Variants in ZZEF1 observed in about 807,000 individuals in gnomAD.
ZZEF1 encodes zinc finger ZZ-type and EF-hand domain containing 1.
Under a neutral mutation model 342.8 loss-of-function variants are expected in ZZEF1, and 157 were observed. That is an observed-to-expected ratio of 0.46 (90% CI 0.40 to 0.52). ZZEF1 has a LOEUF of 0.52. Among genes scored for constraint, ZZEF1 ranks in the 20% least tolerant of loss-of-function variants. The pLI, the probability that ZZEF1 is intolerant of heterozygous loss-of-function variation, is 0.00. For synonymous variants in ZZEF1, 1,505 were observed against 1,429.1 expected (o/e 1.05, Z -1.20); for missense variants, 3,480 against 3,725.6 (o/e 0.93, Z 1.72).
chr17:4,115,264 C>T (rs1269125781), intron 3 of ZZEF1, among the ~76,000 whole-genome samples: 1 of 152,138 alleles, frequency 6.6e-6, no homozygotes, highest in African/African-American at 2.4e-5. Context: ...TGGCTTCAAG[C>T]GATCTTCCCA....
intron 24 of ZZEF1, among the ~76,000 whole-genome samples, chr17:4,073,387 T>C (rs2057547247): frequency 6.6e-6 from 1 of 152,252 alleles, no homozygotes; most frequent in South Asian, 2.1e-4. Flanking sequence ...TCTGTAATTC[T>C]TGTTCCCTGG....
chr17:4,039,468 T>TCAAACAAA lies in ZZEF1; in HGVS notation c.6306+2953_6306+2960dup, dbSNP rs113389421. ...CTGGGGGACAGAGTGAGACACCATC[T>TCAAACAAA]CAAACAAACAAACAAACAAACAAAC... On this transcript the variant is annotated intron_variant, in intron 39 of 54. Transcript: ENST00000381638. 7.9e-3 allele frequency among the ~76,000 whole-genome samples: 1,189 copies of TCAAACAAA among 150,152 alleles called. 12 individuals carry two copies. Among genetic ancestry groups the TCAAACAAA allele is most frequent in the African/African-American group, 0.027 (1,098 of 40,318 alleles).
chr17:4,032,472 C>A (rs1366009453), intron 41 of ZZEF1, among the ~76,000 whole-genome samples: 1 of 152,192 alleles, frequency 6.6e-6, no homozygotes, highest in Non-Finnish European at 1.5e-5. Flanking sequence ...TTTACAGCCC[C>A]CTTTGTCCTA....
Position 4,028,239 on chromosome 17 carries a change from A to AT in ZZEF1, c.6893-3122dup, listed in dbSNP as rs906618292. 3.9e-5 allele frequency among the ~76,000 whole-genome samples: 6 copies of AT among 152,220 alleles called. No individual in the cohort carries two copies. In the South Asian group the frequency reaches 6.2e-4, roughly 16 times the overall value. ...TGACATAAATCTCACAATACATTAC[A>AT]TTTTTTTGCTTCAAAAAGTGAGATA... On this transcript the variant is annotated intron_variant, in intron 42 of 54. Transcript: ENST00000381638.
chr17:4,087,895 A>C (rs538995131), intron 13 of ZZEF1, among the ~76,000 whole-genome samples: 1 of 151,920 alleles, frequency 6.6e-6, no homozygotes, highest in South Asian at 2.1e-4. Context: ...ACTGTCCAGG[A>C]CTGTACTACA....
chr17:4,077,909 T>A lies in ZZEF1; in HGVS notation c.2963A>T (p.Asp988Val), dbSNP rs1215813529. The A allele has an allele frequency of 1.2e-6, 2 of 1,614,022 alleles. No homozygotes were observed. Among genetic ancestry groups the A allele is most frequent in the African/African-American group, 1.3e-5 (1 of 74,942 alleles). The change falls in exon 19 of 55, where the codon GAT becomes GTT. Residue 988 changes from aspartate to valine, a missense_variant. Coordinates refer to ENST00000381638, the MANE Select transcript of ZZEF1 (RefSeq NM_015113.4). ...QLKSTDSGAK[D>V]LAVDLIEKYV... ...TTTTTCAATAAGGTCCACGGCAAGATCTTTGGCTCCAGAGTCCGTGCTCTT... is the reference window on the plus strand; with the variant it reads ...TTTTTCAATAAGGTCCACGGCAAGAACTTTGGCTCCAGAGTCCGTGCTCTT...
intron 8 of ZZEF1, among the ~76,000 whole-genome samples, chr17:4,103,320 A>G (rs529217503): frequency 2.0e-4 from 31 of 152,194 alleles, no homozygotes; most frequent in Admixed American, 1.8e-3. Context: ...AGGTGGGAGT[A>G]CTGCTTGAGT....
chr17:4,020,674 T>C (rs992434776), intron 45 of ZZEF1, among the ~76,000 whole-genome samples: 1 of 152,216 alleles, frequency 6.6e-6, no homozygotes, highest in Non-Finnish European at 1.5e-5. Flanking sequence ...CTACATTCTG[T>C]TTACTCTTCA....
intron 13 of ZZEF1, among the ~76,000 whole-genome samples, chr17:4,088,323 C>T (rs920978398): frequency 2.0e-4 from 30 of 152,158 alleles, no homozygotes; most frequent in Admixed American, 1.6e-3. Context: ...TTCACCTAGA[C>T]CTCAGTTATA....
chr17:4,030,375 T>C (rs572321583), intron 42 of ZZEF1, among the ~76,000 whole-genome samples: 1 of 152,300 alleles, frequency 6.6e-6, no homozygotes, highest in African/African-American at 2.4e-5. Flanking sequence ...AATATAGAAG[T>C]CCCTGACTTA....
chr17:4,039,067 T>C (rs2056740145), intron 39 of ZZEF1, among the ~76,000 whole-genome samples: 1 of 151,252 alleles, frequency 6.6e-6, no homozygotes, highest in South Asian at 2.1e-4. Flanking sequence ...TAGGGGAAAA[T>C]AACCTCAGTG....
intron 4 of ZZEF1, among the ~76,000 whole-genome samples, chr17:4,113,786 G>A (rs2058352113): frequency 1.3e-5 from 2 of 152,062 alleles, no homozygotes; most frequent in African/African-American, 2.4e-5. Context: ...CCTGGGCAAC[G>A]TAGTGAGGCC....
intron 45 of ZZEF1, among the ~76,000 whole-genome samples, chr17:4,020,292 T>C (rs1241959707): frequency 6.6e-6 from 1 of 152,244 alleles, no homozygotes; most frequent in African/African-American, 2.4e-5. Flanking sequence ...AAGTAGTTTT[T>C]CTGTTAGTAT....
At chr17:4,124,844 T>G (rs2058548799) in intron 1 of ZZEF1, among the ~76,000 whole-genome samples, 1 of 152,112 alleles carries the variant, frequency 6.6e-6, no homozygotes, top group South Asian at 2.1e-4. Flanking sequence ...AATTGTAATC[T>G]AGCTTGTCTC....
chr17:4,057,424 C>G (rs149988207), intron 32 of ZZEF1, among the ~76,000 whole-genome samples: 1 of 152,352 alleles, frequency 6.6e-6, no homozygotes, highest in East Asian at 1.9e-4. Flanking sequence ...TCCCCCTCCC[C>G]TTCTCCTCTT....
chr17:4,110,551 A>G (rs2058279212), intron 5 of ZZEF1, among the ~76,000 whole-genome samples: 1 of 152,214 alleles, frequency 6.6e-6, no homozygotes, highest in African/African-American at 2.4e-5. Context: ...AAATGAGATA[A>G]AACATGAAGC....
Position 4,006,808 on chromosome 17 carries a change from G to T in ZZEF1, c.*82C>A, listed in dbSNP as rs986851317. On this transcript the variant is annotated 3_prime_UTR_variant, in exon 55 of 55. Transcript: ENST00000381638. ...AGGAGAGCTGGGCACTGGCGCTACAGGAGTTTTCCTGAATGAGGTTAGATG... is the reference window on the plus strand; with the variant it reads ...AGGAGAGCTGGGCACTGGCGCTACATGAGTTTTCCTGAATGAGGTTAGATG... The T allele has an allele frequency of 6.9e-7, 1 of 1,446,898 alleles. No individual in the cohort carries two copies. Among genetic ancestry groups the T allele is most frequent in the Non-Finnish European group, 9.5e-7 (1 of 1,052,280 alleles). The allele number at this position is 1,446,898 out of a possible 1,614,324, so 89.6% of individuals were successfully genotyped here.
chr17:4,054,993 C>T (rs1008849964), intron 33 of ZZEF1, among the ~76,000 whole-genome samples: 1 of 152,124 alleles, frequency 6.6e-6, no homozygotes, highest in African/African-American at 2.4e-5. Context: ...GGCTTGGGTA[C>T]GTGGTTGGAC....
At chr17:4,123,719 A>G (rs947896300) in intron 2 of ZZEF1, among the ~76,000 whole-genome samples, 188 bp downstream of exon 2, 2 of 152,160 alleles carry the variant, frequency 1.3e-5, no homozygotes, top group Admixed American at 6.6e-5. Context: ...ATAAAACGGT[A>G]GAACTGCTTA....
Sources: gnomAD v4.1 joint callset for allele counts (sites outside exome capture counted in the v4.1 genomes callset) on GRCh38, gnomAD v4.1.1 for gene constraint, MANE v1.5 for transcripts, NCBI Gene and HGNC (gene_info 2026-07-23, HGNC 2026-07-21) for gene names.